PDE4D: variants seen among roughly 807,000 people sequenced by gnomAD.
The protein encoded by PDE4D is 3',5'-cyclic-AMP phosphodiesterase 4D.
A neutral mutation model predicts 87.4 loss-of-function variants in PDE4D; 24 were observed. The ratio of observed to expected loss-of-function variants is 0.27; its 90% confidence interval spans 0.20 to 0.39. The LOEUF (loss-of-function observed/expected upper bound fraction) is 0.39. Ranked by LOEUF, PDE4D falls within the 10% of genes least tolerant of loss-of-function variation. The probability of loss-of-function intolerance (pLI) is 1.00; values close to 1 mark genes in which losing one functional copy is unlikely to be tolerated. For synonymous variants in PDE4D, 384 were observed against 383.2 expected (o/e 1.00, Z -0.02); for missense variants, 714 against 1,041.0 (o/e 0.69, Z 4.32).
chr5:60,236,619 A>G (rs1746460707), intron 1 of PDE4D, among the ~76,000 whole-genome samples: 2 of 151,948 alleles, frequency 1.3e-5, no homozygotes, highest in South Asian at 4.1e-4. Flanking sequence ...AAGATTGCCA[A>G]TTAGCTGACC....
At chr5:59,547,197 T>A (rs116154081) in intron 1 of PDE4D, among the ~76,000 whole-genome samples, 4,138 of 152,286 alleles carry the variant, frequency 0.027, 192 homozygotes, top group African/African-American at 0.094. Flanking sequence ...TTGAAGTATT[T>A]GTTAAGTATC....
chr5:59,236,686 C>T (rs1028409921), intron 1 of PDE4D, among the ~76,000 whole-genome samples: 1 of 152,072 alleles, frequency 6.6e-6, no homozygotes, highest in African/African-American at 2.4e-5. Context: ...ACACCACCTT[C>T]CTTGGTGGTG....
intron 2 of PDE4D, among the ~76,000 whole-genome samples, chr5:59,199,903 T>C (rs144708527): frequency 1.6e-3 from 247 of 152,002 alleles, no homozygotes; most frequent in African/African-American, 5.7e-3. Flanking sequence ...CATATATACA[T>C]ATATGCATGT....
chr5:60,506,304 C>T (rs1561321498), intron 1 of PDE4D, among the ~76,000 whole-genome samples: 1 of 152,250 alleles, frequency 6.6e-6, no homozygotes, highest in Non-Finnish European at 1.5e-5. Flanking sequence ...CATTCTCATG[C>T]ATACCCTATG....
At chr5:59,649,687 C>T (rs1743046920) in intron 1 of PDE4D, among the ~76,000 whole-genome samples, 1 of 149,660 alleles carries the variant, frequency 6.7e-6, no homozygotes, top group Non-Finnish European at 1.5e-5. Flanking sequence ...TTTGTAATAA[C>T]AAAAATGAGG....
intron 1 of PDE4D, among the ~76,000 whole-genome samples, chr5:59,619,555 G>T (rs531774015): frequency 6.6e-6 from 1 of 152,172 alleles, no homozygotes; most frequent in Non-Finnish European, 1.5e-5. Flanking sequence ...TGATTCTGAT[G>T]CATAGCCATG....
chr5:59,153,366 G>A (rs929811889), intron 5 of PDE4D, among the ~76,000 whole-genome samples: 14 of 152,086 alleles, frequency 9.2e-5, no homozygotes, highest in Non-Finnish European at 1.6e-4. Context: ...TTAAAATAAT[G>A]GTCAATGAAA....
chr5:59,045,652 A>T (rs1760501113), intron 5 of PDE4D, among the ~76,000 whole-genome samples: 1 of 151,910 alleles, frequency 6.6e-6, no homozygotes, highest in Non-Finnish European at 1.5e-5. Flanking sequence ...GAGAAATCTG[A>T]GAAATCCTCA....
intron 1 of PDE4D, among the ~76,000 whole-genome samples, chr5:59,597,594 T>C: frequency 6.6e-6 from 1 of 152,072 alleles, no homozygotes; most frequent in Admixed American, 6.6e-5. Flanking sequence ...ATAGAGAGAA[T>C]AATTTAGTAC....
intron 1 of PDE4D, among the ~76,000 whole-genome samples, chr5:59,755,003 G>A (rs1338613054): frequency 1.3e-5 from 2 of 152,028 alleles, no homozygotes; most frequent in Non-Finnish European, 2.9e-5. Context: ...TTCCTATGGT[G>A]GAAGTATCAG....
chr5:59,914,171 A>G (rs1253456740), intron 3 of PDE4D, among the ~76,000 whole-genome samples: 2 of 152,304 alleles, frequency 1.3e-5, no homozygotes, highest in South Asian at 2.1e-4. Flanking sequence ...GTGCTAGACT[A>G]TGGCACAAAT....
At chr5:60,041,251 TTCTCTA>T (rs1283873797) in intron 2 of PDE4D, among the ~76,000 whole-genome samples, 5 of 152,172 alleles carry the variant, frequency 3.3e-5, no homozygotes, top group Admixed American at 1.3e-4. Context: ...CTTCATAGAA[TTCTCTA>T]TGTATGTTCT....
At chr5:60,035,077 G>A (rs752658509) in intron 2 of PDE4D, among the ~76,000 whole-genome samples, 5 of 152,024 alleles carry the variant, frequency 3.3e-5, no homozygotes, top group Non-Finnish European at 7.4e-5. Flanking sequence ...CCAACATGGC[G>A]AAACCCAGTC....
chr5:59,159,303 A>T (rs1324213934), intron 5 of PDE4D, among the ~76,000 whole-genome samples: 1 of 149,156 alleles, frequency 6.7e-6, no homozygotes, highest in Non-Finnish European at 1.5e-5. Flanking sequence ...TAATTTTTGT[A>T]TTTTTTTTTT....
chr5:60,206,799 A>C (rs1434870068), intron 1 of PDE4D, among the ~76,000 whole-genome samples: 1 of 152,256 alleles, frequency 6.6e-6, no homozygotes, highest in African/African-American at 2.4e-5. Flanking sequence ...TTAATAAAAC[A>C]ACCTCTACTC....
Position 60,252,398 on chromosome 5 carries a change from A to AAT in PDE4D, c.-89-66712_-89-66711insAT, listed in dbSNP as rs1748577267. Among the ~76,000 whole-genome samples the AAT allele has an allele frequency of 3.0e-5, 3 of 100,128 alleles. No individual in the cohort carries two copies. In the Admixed American group the frequency reaches 3.2e-4, roughly 11 times the overall value. 65.7% of individuals were successfully genotyped at this position (100,128 alleles called of 152,430 possible). A position where few individuals can be genotyped will look rare whatever the true frequency, so the allele number is the denominator to read the frequency against. On this transcript the variant is annotated intron_variant, in intron 1 of 16. Coordinates refer to the PDE4D transcript ENST00000502484. ...TCAAAATTTCACAGCACACTTTTTT[A>AAT]CTTTTTTTTTTTTTTTTGGTCAAAC...
intron 1 of PDE4D, chr5:59,592,056 A>G (rs1295692519): frequency 1.4e-6 from 1 of 730,200 alleles, no homozygotes; most frequent in Non-Finnish European, 1.7e-6. Flanking sequence ...CATCAGAATG[A>G]GACCTGAGGT....
chr5:59,213,590 T>C (rs1027848718), intron 2 of PDE4D, among the ~76,000 whole-genome samples: 2 of 152,080 alleles, frequency 1.3e-5, no homozygotes, highest in African/African-American at 4.8e-5. Flanking sequence ...TTGAACCTAA[T>C]TCTCTGTCAG....
chr5:59,517,319 T>C (rs974291104), intron 1 of PDE4D, among the ~76,000 whole-genome samples: 1 of 152,208 alleles, frequency 6.6e-6, no homozygotes, highest in African/African-American at 2.4e-5. Flanking sequence ...AAACGAAGTA[T>C]TAGATTTTTA....
Sources: allele counts gnomAD v4.1 joint callset (sites outside exome capture counted in the v4.1 genomes callset), GRCh38; gene constraint gnomAD v4.1.1; transcripts MANE v1.5; gene names NCBI Gene and HGNC (gene_info 2026-07-23, HGNC 2026-07-21).